Variants in RAB20 observed in about 807,000 individuals in gnomAD.
RAB20 encodes ras-related protein Rab-20.
RAB20 carries 2 observed loss-of-function variants against 3.7 expected under a neutral mutation model. That is an observed-to-expected ratio of 0.54 (90% CI 0.22 to 1.69). RAB20 has a LOEUF of 1.69. Among genes scored for constraint, RAB20 ranks in the 40% most tolerant of loss-of-function variants. The probability of loss-of-function intolerance (pLI) is 0.19; values close to 1 mark genes in which losing one functional copy is unlikely to be tolerated. For missense variants in RAB20, 276 were observed against 311.9 expected (o/e 0.88, Z 0.87); for synonymous variants, 126 against 130.8 (o/e 0.96, Z 0.25).
At chr13:110,545,572 C>T (rs1193399086) in intron 1 of RAB20, among the ~76,000 whole-genome samples, 1 of 152,196 alleles carries the variant, frequency 6.6e-6, no homozygotes, top group African/African-American at 2.4e-5. Flanking sequence ...CAAGTTCACA[C>T]TCACTGAGTG....
chr13:110,533,954 C>T (rs559229754), intron 1 of RAB20, among the ~76,000 whole-genome samples: 1 of 152,182 alleles, frequency 6.6e-6, no homozygotes, highest in Admixed American at 6.5e-5. Context: ...GCCCTCCCCC[C>T]AGAACCCACA....
intron 1 of RAB20, among the ~76,000 whole-genome samples, chr13:110,537,385 CAAG>C (rs1884666098): frequency 6.6e-6 from 1 of 151,916 alleles, no homozygotes; most frequent in African/African-American, 2.4e-5. Flanking sequence ...ATTTACACAA[CAAG>C]AAGTTGTCCA....
chr13:110,556,232 G>A (rs1353850486), intron 1 of RAB20, among the ~76,000 whole-genome samples: 1 of 152,210 alleles, frequency 6.6e-6, no homozygotes, highest in Non-Finnish European at 1.5e-5. Context: ...GAAAACAAGG[G>A]CCAGGATGGA....
Position 110,523,308 on chromosome 13 carries a change from A to AG in RAB20, c.*356dup. On this transcript the variant is annotated 3_prime_UTR_variant, in exon 2 of 2. Transcript: ENST00000267328. ...CAACCCAGGGTGCTGAAACGGTCAG[A>AG]GGTGCAGGTGCAGACGCAGGCTTCT... The AG allele has an allele frequency of 8.4e-6, 4 of 474,202 alleles. No homozygotes were observed. The highest frequency in any genetic ancestry group is 3.7e-6 in the Non-Finnish European group (1 of 271,308). 29.4% of individuals were successfully genotyped at this position (474,202 alleles called of 1,614,324 possible).
At chr13:110,553,891 A>T (rs1397790002) in intron 1 of RAB20, among the ~76,000 whole-genome samples, 2 of 152,196 alleles carry the variant, frequency 1.3e-5, no homozygotes, top group African/African-American at 4.8e-5. Context: ...CAAGGTAGGA[A>T]GATCACTTTA....
At chr13:110,547,469 T>C (rs182264621) in intron 1 of RAB20, among the ~76,000 whole-genome samples, 4 of 152,336 alleles carry the variant, frequency 2.6e-5, no homozygotes, top group African/African-American at 9.6e-5. Flanking sequence ...AGGCACCCCA[T>C]GCACGAAATA....
chr13:110,537,929 C>A (rs900621434), intron 1 of RAB20, among the ~76,000 whole-genome samples: 1 of 152,080 alleles, frequency 6.6e-6, no homozygotes, highest in Non-Finnish European at 1.5e-5. Flanking sequence ...TTCCCAACAA[C>A]CATGCTACAC....
chr13:110,525,904 T>C (rs1884421340), intron 1 of RAB20, among the ~76,000 whole-genome samples: 1 of 152,202 alleles, frequency 6.6e-6, no homozygotes, highest in Non-Finnish European at 1.5e-5. Context: ...AGGAAGGGGC[T>C]TCACAGACGC....
At chr13:110,532,109 G>C (rs894227676) in intron 1 of RAB20, among the ~76,000 whole-genome samples, 1 of 152,104 alleles carries the variant, frequency 6.6e-6, no homozygotes, top group African/African-American at 2.4e-5. Context: ...TTAAGCATGG[G>C]GTGGGGAGAC....
chr13:110,559,935 C>A (rs1032782168), intron 1 of RAB20, among the ~76,000 whole-genome samples: 1 of 152,168 alleles, frequency 6.6e-6, no homozygotes, highest in Non-Finnish European at 1.5e-5. Flanking sequence ...CGGTTAGGGT[C>A]CCCCAATAAC....
intron 1 of RAB20, among the ~76,000 whole-genome samples, chr13:110,533,885 C>G (rs1255931968): frequency 6.6e-6 from 1 of 152,218 alleles, no homozygotes; most frequent in African/African-American, 2.4e-5. Context: ...GACACACCTG[C>G]CCCCACCAGT....
At chr13:110,536,040 A>T (rs1884633030) in intron 1 of RAB20, among the ~76,000 whole-genome samples, 1 of 152,208 alleles carries the variant, frequency 6.6e-6, no homozygotes, top group Non-Finnish European at 1.5e-5. Flanking sequence ...CCTTAATCAC[A>T]TCTAACTGGT....
rs749027140 is a variant in RAB20 at position 110,524,045 on chromosome 13, C to T, written c.325G>A (p.Ala109Thr). The T allele has an allele frequency of 9.3e-6, 15 of 1,614,012 alleles. No individual in the cohort carries two copies. The highest frequency in any genetic ancestry group is 6.7e-5 in the Admixed American group (4 of 60,006). The change falls in exon 2 of 2, where the codon GCC becomes ACC. Residue 109 changes from alanine to threonine, a missense_variant. Ala to Thr is a moderately conservative substitution (Grantham distance 58). Transcript: ENST00000267328. The part of the protein sequence containing the change: ...TDTASKDCLF[A>T]IVGNKVDLTE... Reference sequence around the variant, plus strand: ...AGGTCCACTTTGTTCCCCACGATGGCAAAGAGGCAGTCTTTGCTGGCTGTG... The same window carrying T: ...AGGTCCACTTTGTTCCCCACGATGGTAAAGAGGCAGTCTTTGCTGGCTGTG...
At chr13:110,550,443 C>G (rs1259276245) in intron 1 of RAB20, among the ~76,000 whole-genome samples, 1 of 152,206 alleles carries the variant, frequency 6.6e-6, no homozygotes, top group African/African-American at 2.4e-5. Context: ...GGAATTGCAA[C>G]TAGGGGGAAG....
At chr13:110,546,094 C>CAA (rs11377927) in intron 1 of RAB20, among the ~76,000 whole-genome samples, 5 of 150,230 alleles carry the variant, frequency 3.3e-5, no homozygotes, top group Admixed American at 1.3e-4. Flanking sequence ...AGATAGGCAC[C>CAA]AAAAAAAAAG....
rs1217066508 is a variant in RAB20, at chr13:110,524,082, C to A, written c.288G>T (p.Leu96=). ...QSLVELEDRF[L]GLTDTASKDC... The stretch of plus-strand genomic sequence containing the variant: ...CTTTGCTGGCTGTGTCTGTCAGGCC[C>A]AGGAACCGGTCCTCCAGCTCCACCA... The change falls in exon 2 of 2, where the codon CTG becomes CTT. Residue 96 remains leucine (L), a synonymous_variant. Coordinates refer to ENST00000267328, the MANE Select transcript of RAB20 (RefSeq NM_017817.3). The A allele has an allele frequency of 1.9e-6, 3 of 1,613,794 alleles. No homozygotes were observed. Among genetic ancestry groups the A allele is most frequent in the Non-Finnish European group, 2.5e-6 (3 of 1,180,038 alleles).
chr13:110,535,058 T>G (rs1006934078), intron 1 of RAB20, among the ~76,000 whole-genome samples: 7 of 152,162 alleles, frequency 4.6e-5, no homozygotes, highest in African/African-American at 1.7e-4. Context: ...GGTCTCAAAC[T>G]CCTGAGCTCA....
At chr13:110,527,900 T>TAAAC (rs1398743171) in intron 1 of RAB20, among the ~76,000 whole-genome samples, 15 of 138,122 alleles carry the variant, frequency 1.1e-4, no homozygotes, top group African/African-American at 3.6e-4. Context: ...TCTCTACAAA[T>TAAAC]ACACACACAC....
intron 1 of RAB20, among the ~76,000 whole-genome samples, chr13:110,529,327 C>T (rs1386312515): frequency 6.6e-6 from 1 of 152,224 alleles, no homozygotes; most frequent in African/African-American, 2.4e-5. Context: ...CTGTATCTCT[C>T]AGAATATTGA....
Sources: gnomAD v4.1 joint callset for allele counts (sites outside exome capture counted in the v4.1 genomes callset) on GRCh38, gnomAD v4.1.1 for gene constraint, MANE v1.5 for transcripts, NCBI Gene and HGNC (gene_info 2026-07-23, HGNC 2026-07-21) for gene names.